CEP112: variants seen among roughly 807,000 people sequenced by gnomAD.
CEP112 encodes the protein centrosomal protein 112, also known as centrosomal protein of 112 kDa.
CEP112 carries 127 observed loss-of-function variants against 153.0 expected under a neutral mutation model. The observed-to-expected ratio is 0.83, with a 90% CI of 0.72 to 0.96. The LOEUF is 0.96. Among genes scored for constraint, CEP112 ranks in the 40% least tolerant of loss-of-function variants. The pLI, the probability that CEP112 is intolerant of heterozygous loss-of-function variation, is 0.00. For missense variants in CEP112, 1,089 were observed against 1,101.2 expected (o/e 0.99, Z 0.16); for synonymous variants, 358 against 374.4 (o/e 0.96, Z 0.51).
At chr17:65,954,008 C>T (rs8069984) in intron 18 of CEP112, among the ~76,000 whole-genome samples, 10,035 of 152,268 alleles carry the variant, frequency 0.066, 497 homozygotes, top group African/African-American at 0.12. Context: ...AGCTGACGCA[C>T]TCTTGAAGTG....
At chr17:65,969,930 C>G (rs1438928445) in intron 17 of CEP112, among the ~76,000 whole-genome samples, 1 of 152,128 alleles carries the variant, frequency 6.6e-6, no homozygotes, top group Non-Finnish European at 1.5e-5. Flanking sequence ...ATCACATGCG[C>G]TACAGGCATG....
intron 23 of CEP112, among the ~76,000 whole-genome samples, chr17:65,700,814 A>T (rs946112481): frequency 2.0e-5 from 3 of 152,296 alleles, no homozygotes; most frequent in Non-Finnish European, 2.9e-5. Context: ...TTGGCAAGAC[A>T]TGGGTGAATC....
Position 66,063,007 on chromosome 17 carries a change from A to G in CEP112, c.1030T>C (p.Cys344Arg), listed in dbSNP as rs757466924. The change falls in exon 11 of 27, where the codon TGT becomes CGT. Residue 344 changes from cysteine (C) to arginine (R), a missense_variant. Physicochemically the swap from Cys to Arg is radical, Grantham distance 180. Transcript: ENST00000535342. ...TTTAGAGATTCCGTACTTTGTTCAC[A>G]TATCTTTTTCAGCTCTGCAATCTGG... Reference protein sequence around the residue: ...EDQIAELKKICEQSTESLNND... With the variant: ...EDQIAELKKIREQSTESLNND... 39 of 1,600,580 alleles carry G rather than the reference A, an allele frequency of 2.4e-5. No individual in the cohort carries two copies. The highest frequency in any genetic ancestry group is 1.7e-4 in the Middle Eastern group (1 of 6,050).
At chr17:65,654,879 C>A in intron 24 of CEP112, 1 of 497,420 alleles carries the variant, frequency 2.0e-6, no homozygotes, top group Admixed American at 2.5e-5. Flanking sequence ...GAGGTTGTCA[C>A]TGGGGTCGTA....
chr17:65,778,152 T>G (rs2053790606), intron 21 of CEP112, among the ~76,000 whole-genome samples: 1 of 152,208 alleles, frequency 6.6e-6, no homozygotes, highest in Non-Finnish European at 1.5e-5. Flanking sequence ...CATGTCTCTT[T>G]CAAACACCAC....
At chr17:65,775,427 C>T (rs1189139724) in intron 21 of CEP112, among the ~76,000 whole-genome samples, 1 of 152,158 alleles carries the variant, frequency 6.6e-6, no homozygotes, top group Non-Finnish European at 1.5e-5. Context: ...CGGTTTTCCC[C>T]ACTTTGCATT....
At chr17:66,032,779 T>C (rs979458601) in intron 12 of CEP112, among the ~76,000 whole-genome samples, 1 of 152,186 alleles carries the variant, frequency 6.6e-6, no homozygotes, top group African/African-American at 2.4e-5. Context: ...TATATTGAAA[T>C]TGTAAAACAT....
chr17:65,675,126 A>G lies in CEP112; in HGVS notation c.2697+14003T>C, dbSNP rs186688860. On this transcript the variant is annotated intron_variant, in intron 24 of 26. Transcript: ENST00000535342. ...GACTGGGTAAAAATAAAATATCCAG[A>G]ATAAATACAGACATAGGAAACAGGG... Among the ~76,000 whole-genome samples, 34 of 152,340 alleles carry G rather than the reference A, an allele frequency of 2.2e-4. No homozygotes were observed. In the East Asian group the frequency reaches 5.4e-3, roughly 24 times the overall value.
intron 17 of CEP112, among the ~76,000 whole-genome samples, chr17:65,970,645 C>G (rs532127751): frequency 2.0e-5 from 3 of 151,860 alleles, no homozygotes; most frequent in East Asian, 1.9e-4. Flanking sequence ...CATGCATGCA[C>G]GCATGTATAT....
At chr17:65,959,086 G>C (rs11652275) in intron 18 of CEP112, among the ~76,000 whole-genome samples, 62,732 of 151,814 alleles carry the variant, frequency 0.41, 14,344 homozygotes, top group East Asian at 0.87. Flanking sequence ...GAGGGCTGCA[G>C]AGACATCGGG....
rs1302718239 is a variant in CEP112, at chr17:66,133,948, CT to C, written c.471-1186del. Among the ~76,000 whole-genome samples the C allele has an allele frequency of 1.2e-4, 19 of 152,014 alleles. No homozygotes were observed. In the South Asian group the frequency reaches 2.5e-3, roughly 20 times the overall value. On this transcript the variant is annotated intron_variant, in intron 4 of 26. Transcript: ENST00000535342. ...AAGAGAGCTGTTTTTTTTAATACCC[CT>C]ATTCAGTAGTACAAACATCCAAATA...
intron 25 of CEP112, among the ~76,000 whole-genome samples, chr17:65,640,154 A>ATATTTTT (rs1300751452): frequency 7.7e-4 from 60 of 78,338 alleles, no homozygotes; most frequent in South Asian, 6.3e-3. Flanking sequence ...ATATATATAT[A>ATATTTTT]TTTTTTTTTT....
intron 8 of CEP112, among the ~76,000 whole-genome samples, chr17:66,088,267 C>T (rs2068014667): frequency 6.6e-6 from 1 of 151,234 alleles, no homozygotes; most frequent in Admixed American, 6.6e-5. Flanking sequence ...TGGCACAATG[C>T]AAGATCCCAC....
chr17:66,078,572 T>A (rs4791087), intron 8 of CEP112, among the ~76,000 whole-genome samples: 152,060 of 152,310 alleles, frequency 1, 75,906 homozygotes, highest in Middle Eastern at 1. Flanking sequence ...ATATCTTTTA[T>A]GTGGAGCATT....
chr17:66,189,502 C>CA lies in CEP112; in HGVS notation c.-9+2494dup, dbSNP rs36115506. ...TGTGTGACACAGCAAAACTCTGTCT[C>CA]AAAAAAAAAAAAAAAAGTATTTTGA... On this transcript the variant is annotated intron_variant, in intron 1 of 26. Transcript: ENST00000535342. Among the ~76,000 whole-genome samples the CA allele has an allele frequency of 3.9e-4, 47 of 119,960 alleles. 1 individual carries two copies. The highest frequency in any genetic ancestry group is 3.9e-3 in the Middle Eastern group (1 of 256). The allele number at this position is 119,960 out of a possible 152,430, so 78.7% of individuals were successfully genotyped here.
intron 21 of CEP112, among the ~76,000 whole-genome samples, chr17:65,829,488 AG>A (rs2056991330): frequency 6.6e-6 from 1 of 152,160 alleles, no homozygotes; most frequent in Admixed American, 6.5e-5. Flanking sequence ...GTCTAAACAT[AG>A]GAGGCGGGAG....
intron 17 of CEP112, among the ~76,000 whole-genome samples, chr17:65,967,305 C>T (rs759457582): frequency 5.3e-5 from 8 of 152,158 alleles, no homozygotes; most frequent in African/African-American, 1.2e-4. Flanking sequence ...TCAGCTAGGA[C>T]GTCTATAAAT....
chr17:65,806,494 T>A (rs972979519), intron 21 of CEP112, among the ~76,000 whole-genome samples: 8 of 152,248 alleles, frequency 5.3e-5, no homozygotes, highest in Admixed American at 5.2e-4. Context: ...ATATCATTAA[T>A]ATGGTTTGGC....
rs566930297 is a variant in CEP112 at position 65,643,592 on chromosome 17, C to T, written c.2698-2527G>A. On this transcript the variant is annotated intron_variant, in intron 24 of 26. Coordinates refer to ENST00000535342, the MANE Select transcript of CEP112 (RefSeq NM_001199165.4). ...TTGGGATTACAGGCGTGAGCCATGA[C>T]ACCCGGGCCCCCTGGTACTTCTTAC... 2.0e-5 allele frequency among the ~76,000 whole-genome samples: 3 copies of T among 152,198 alleles called. No individual in the cohort carries two copies. In the South Asian group the frequency reaches 6.2e-4, roughly 32 times the overall value.
Sources: gnomAD v4.1 joint callset for allele counts (sites outside exome capture counted in the v4.1 genomes callset) on GRCh38, gnomAD v4.1.1 for gene constraint, MANE v1.5 for transcripts, NCBI Gene and HGNC (gene_info 2026-07-23, HGNC 2026-07-21) for gene names.